CFAP20DC: variants seen among roughly 807,000 people sequenced by gnomAD.
CFAP20DC encodes the protein protein CFAP20DC.
In CFAP20DC, 84 loss-of-function variants were observed where a neutral mutation model predicts 101.7. The ratio of observed to expected loss-of-function variants is 0.83; its 90% confidence interval spans 0.69 to 0.99. CFAP20DC has a LOEUF of 0.99. Ranked by LOEUF, CFAP20DC falls within the 50% of genes least tolerant of loss-of-function variation. The pLI, the probability that CFAP20DC is intolerant of heterozygous loss-of-function variation, is 0.00. For synonymous variants in CFAP20DC, 359 were observed against 351.2 expected, an observed-to-expected ratio of 1.02 and a Z score of -0.25; for missense variants, 1,007 against 970.3, an observed-to-expected ratio of 1.04 and a Z score of -0.50.
intron 12 of CFAP20DC, among the ~76,000 whole-genome samples, chr3:58,850,121 A>G (rs1018981450): frequency 1.3e-5 from 2 of 152,182 alleles, no homozygotes; most frequent in Non-Finnish European, 2.9e-5. Context: ...TTAAAATCTG[A>G]TAAAGGCAGA....
At chr3:58,935,532 G>T (rs1011590481) in intron 5 of CFAP20DC, among the ~76,000 whole-genome samples, 3 of 151,856 alleles carry the variant, frequency 2.0e-5, no homozygotes, top group Non-Finnish European at 2.9e-5. Context: ...TATACTACAA[G>T]GCTACAGTAA....
At chr3:58,842,043 C>A (rs1015018311) in intron 13 of CFAP20DC, among the ~76,000 whole-genome samples, 1 of 152,124 alleles carries the variant, frequency 6.6e-6, no homozygotes, top group African/African-American at 2.4e-5. Flanking sequence ...AATATTTGAA[C>A]GTAGTAATAG....
chr3:59,004,480 T>C (rs529511276), intron 4 of CFAP20DC, among the ~76,000 whole-genome samples: 37 of 152,284 alleles, frequency 2.4e-4, no homozygotes, highest in African/African-American at 6.7e-4. Context: ...TAATGGAAAA[T>C]GTTCCAGAGT....
chr3:58,956,960 G>A (rs2090688795), intron 4 of CFAP20DC, among the ~76,000 whole-genome samples: 1 of 152,076 alleles, frequency 6.6e-6, no homozygotes, highest in African/African-American at 2.4e-5. Flanking sequence ...TCTCCACCTG[G>A]TCCCTCCCAC....
intron 4 of CFAP20DC, among the ~76,000 whole-genome samples, chr3:58,983,107 A>C (rs1416841934): frequency 6.6e-6 from 1 of 152,206 alleles, no homozygotes; most frequent in Non-Finnish European, 1.5e-5. Flanking sequence ...TAGGATAATG[A>C]TGGTACTTGA....
In CFAP20DC at chr3:58,923,641, G is replaced by T. The variant is rs191874388; in HGVS notation, c.394-9777C>A. On this transcript the variant is annotated intron_variant, in intron 5 of 16. Transcript: ENST00000482387. ...GCATATAATGTATCTTTTACCTCTG[G>T]CTGCTTTTAAGATTCTTTCTTTATC... Among the ~76,000 whole-genome samples the T allele has an allele frequency of 8.9e-3, 1,359 of 152,026 alleles. 17 individuals are homozygous for T. The highest frequency in any genetic ancestry group is 0.012 in the Admixed American group (184 of 15,274).
chr3:58,854,236 T>C (rs944905578), intron 12 of CFAP20DC, among the ~76,000 whole-genome samples: 3 of 151,652 alleles, frequency 2.0e-5, no homozygotes, highest in African/African-American at 7.3e-5. Flanking sequence ...CCATTCACAA[T>C]TGCTTCAAAG....
intron 15 of CFAP20DC, among the ~76,000 whole-genome samples, chr3:58,793,751 C>T (rs1176815264): frequency 1.3e-5 from 2 of 152,138 alleles, no homozygotes; most frequent in Non-Finnish European, 2.9e-5. Flanking sequence ...ATAAATGTCA[C>T]TGTTTAATTG....
intron 13 of CFAP20DC, among the ~76,000 whole-genome samples, chr3:58,843,593 G>T (rs1292806719): frequency 6.6e-6 from 1 of 151,876 alleles, no homozygotes; most frequent in African/African-American, 2.4e-5. Flanking sequence ...CACTCTGCAG[G>T]ATATTATCCA....
intron 12 of CFAP20DC, among the ~76,000 whole-genome samples, chr3:58,858,869 C>T (rs1042674288): frequency 2.0e-5 from 3 of 152,144 alleles, no homozygotes; most frequent in African/African-American, 7.2e-5. Context: ...ATGTATACTT[C>T]TGTTGTTGAC....
At chr3:58,744,677 G>A (rs2068073464) in intron 16 of CFAP20DC, among the ~76,000 whole-genome samples, 1 of 152,136 alleles carries the variant, frequency 6.6e-6, no homozygotes, top group Admixed American at 6.6e-5. Flanking sequence ...GCATATGAAG[G>A]GTGGCATAGG....
Position 58,892,479 on chromosome 3 carries a change from T to C in CFAP20DC, c.551-7770A>G, listed in dbSNP as rs538847613. 2.8e-4 allele frequency among the ~76,000 whole-genome samples: 42 copies of C among 152,322 alleles called. No individual in the cohort carries two copies. Among genetic ancestry groups the C allele is most frequent in the Non-Finnish European group, 5.0e-4 (34 of 68,028 alleles). On this transcript the variant is annotated intron_variant, in intron 6 of 16. Coordinates refer to ENST00000482387, the MANE Select transcript of CFAP20DC (RefSeq NM_001394063.1). The surrounding 1 kb of genome is among the most constrained non-coding windows in gnomAD (Gnocchi z 4.0). The stretch of plus-strand genomic sequence containing the variant: ...TCCTATCCATGAGCATGGAATGTTT[T>C]TCCATTTGTTTGTGTCCTCTCTGAT...
At chr3:58,826,128 C>G (rs542324780) in intron 14 of CFAP20DC, among the ~76,000 whole-genome samples, 1 of 152,218 alleles carries the variant, frequency 6.6e-6, no homozygotes, top group Admixed American at 6.5e-5. Context: ...TCTTTTTCTT[C>G]CTATTTGCAA....
intron 4 of CFAP20DC, among the ~76,000 whole-genome samples, chr3:58,980,126 T>C (rs1005347756): frequency 6.6e-6 from 1 of 152,186 alleles, no homozygotes; most frequent in Non-Finnish European, 1.5e-5. Context: ...TAAATGTATA[T>C]ATCCCTTCTT....
chr3:58,829,856 G>C (rs1464706064), intron 14 of CFAP20DC, among the ~76,000 whole-genome samples: 3 of 152,072 alleles, frequency 2.0e-5, no homozygotes, highest in Admixed American at 2.0e-4. Context: ...TTGTAATGTT[G>C]GTCTCCAAGC....
intron 7 of CFAP20DC, among the ~76,000 whole-genome samples, chr3:58,881,091 G>C (rs1227191952): frequency 1.3e-5 from 2 of 152,060 alleles, no homozygotes; most frequent in Admixed American, 1.3e-4. Context: ...TTTTTAGTAA[G>C]GATTTCACCA....
chr3:58,851,940 T>G (rs922999404), intron 12 of CFAP20DC, among the ~76,000 whole-genome samples: 1 of 152,128 alleles, frequency 6.6e-6, no homozygotes, highest in Non-Finnish European at 1.5e-5. Context: ...TTTGTGGGTG[T>G]TTTTCAGCGA....
chr3:59,009,478 A>T (rs2093528495), intron 4 of CFAP20DC, among the ~76,000 whole-genome samples: 1 of 139,340 alleles, frequency 7.2e-6, no homozygotes, highest in Non-Finnish European at 1.6e-5. Context: ...AGAAAAAACA[A>T]TCACAACTTC....
intron 4 of CFAP20DC, among the ~76,000 whole-genome samples, chr3:58,995,483 A>G (rs1359388540): frequency 6.6e-6 from 1 of 152,208 alleles, no homozygotes; most frequent in Non-Finnish European, 1.5e-5. Context: ...GTAGAAAAAA[A>G]TCTTTTTTAA....
Sources: gnomAD v4.1 joint callset for allele counts (sites outside exome capture counted in the v4.1 genomes callset) on GRCh38, gnomAD v4.1.1 for gene constraint, Gnocchi (gnomAD v3.1) non-coding constraint, MANE v1.5 for transcripts, NCBI Gene and HGNC (gene_info 2026-07-23, HGNC 2026-07-21) for gene names.